MYO1D: variants seen among roughly 807,000 people sequenced by gnomAD.
The protein encoded by MYO1D is myosin ID, also known as unconventional myosin-Id.
MYO1D carries 83 observed loss-of-function variants against 122.0 expected under a neutral mutation model. That is an observed-to-expected ratio of 0.68 (90% CI 0.57 to 0.82). The LOEUF is 0.82. MYO1D is among the 40% of genes least tolerant of loss of function. MYO1D has a pLI of 0.00. For synonymous variants in MYO1D, 464 were observed against 446.9 expected, an observed-to-expected ratio of 1.04 and a Z score of -0.48; for missense variants, 1,157 against 1,269.5, an observed-to-expected ratio of 0.91 and a Z score of 1.35.
intron 16 of MYO1D, among the ~76,000 whole-genome samples, chr17:32,688,920 A>AGT (rs3079901): frequency 0.096 from 14,103 of 146,448 alleles, 1,074 homozygotes; most frequent in African/African-American, 0.22. Flanking sequence ...TGATTTTTGA[A>AGT]GTGTGTGTGT....
intron 1 of MYO1D, among the ~76,000 whole-genome samples, chr17:32,809,476 T>G (rs1257558833): frequency 6.7e-6 from 1 of 150,314 alleles, no homozygotes; most frequent in Non-Finnish European, 1.5e-5. Flanking sequence ...TCTTGCTCTG[T>G]TGCCCAGGCT....
rs766724550 is a variant in MYO1D, at chr17:32,605,129, C to G, written c.2822G>C (p.Arg941Pro). ...LFSKQPTHES[R>P]IGELVGVLVN... is the part of the protein sequence containing the mutation. ...CAGCACTCCAACAAGTTCTCCAATT[C>G]GACTCTCATGGGTTGGCTGTTTGCT... Residue 941 changes from arginine (R) to proline (P), a missense_variant, in exon 21 of 22, where the codon CGA (arginine) becomes CCA (proline). Transcript: ENST00000318217. 2 of 1,604,532 alleles carry G rather than the reference C, an allele frequency of 1.2e-6. No individual in the cohort carries two copies. Among genetic ancestry groups the G allele is most frequent in the East Asian group, 4.5e-5 (2 of 44,604 alleles).
chr17:32,681,052 G>C (rs552627644), intron 16 of MYO1D, among the ~76,000 whole-genome samples: 16 of 152,278 alleles, frequency 1.1e-4, no homozygotes, highest in African/African-American at 3.8e-4. Flanking sequence ...GGTGTTTGTA[G>C]TATTCTCTGA....
At chr17:32,672,681 T>C (rs575225358) in intron 16 of MYO1D, among the ~76,000 whole-genome samples, 2 of 152,268 alleles carry the variant, frequency 1.3e-5, no homozygotes, top group South Asian at 4.1e-4. Flanking sequence ...AAATGGGGTT[T>C]TGCCACGTTG....
At chr17:32,729,890 C>A (rs530744803) in intron 14 of MYO1D, among the ~76,000 whole-genome samples, 1 of 152,136 alleles carries the variant, frequency 6.6e-6, no homozygotes, top group Non-Finnish European at 1.5e-5. Context: ...CCCAGACTGT[C>A]GAACTGATAT....
In MYO1D at chr17:32,864,007, CTTTTTTTTTTTTTTTTTT is replaced by C. The variant is rs560953120; in HGVS notation, c.95+12753_95+12770del. On this transcript the variant is annotated intron_variant, in intron 1 of 21. Transcript: ENST00000318217. ...TAATTTTGGTTACAAACATTTCTTC[CTTTTTTTTTTTTTTTTTT>C]TTTTTTTTTTTTTTTTTTTGGTGTT... Among the ~76,000 whole-genome samples, 474 of 48,976 alleles carry C rather than the reference CTTTTTTTTTTTTTTTTTT, an allele frequency of 9.7e-3. 7 individuals are homozygous for C. Among genetic ancestry groups the C allele is most frequent in the African/African-American group, 0.047 (454 of 9,624 alleles). 32.1% of individuals were successfully genotyped at this position (48,976 alleles called of 152,430 possible).
intron 21 of MYO1D, among the ~76,000 whole-genome samples, chr17:32,537,356 A>G (rs957109445): frequency 1.3e-5 from 2 of 152,152 alleles, no homozygotes; most frequent in Non-Finnish European, 2.9e-5. Flanking sequence ...TCATTTCCAT[A>G]TTGTCCGTGG....
At chr17:32,565,847 A>C (rs1242598972) in intron 21 of MYO1D, among the ~76,000 whole-genome samples, 1 of 152,058 alleles carries the variant, frequency 6.6e-6, no homozygotes, top group Non-Finnish European at 1.5e-5. Flanking sequence ...CAGCCTCCCA[A>C]GTAGCTGGGA....
chr17:32,863,492 T>C (rs2091095282), intron 1 of MYO1D, among the ~76,000 whole-genome samples: 1 of 152,180 alleles, frequency 6.6e-6, no homozygotes. Context: ...ATTACCTTTG[T>C]AAATTAAGAG....
intron 21 of MYO1D, among the ~76,000 whole-genome samples, chr17:32,557,920 T>C (rs879684443): frequency 6.6e-6 from 1 of 152,010 alleles, no homozygotes; most frequent in Non-Finnish European, 1.5e-5. Flanking sequence ...TCCACATTTA[T>C]TGAAACTGTG....
intron 16 of MYO1D, among the ~76,000 whole-genome samples, chr17:32,691,738 T>C (rs1309359650): frequency 6.6e-6 from 1 of 152,194 alleles, no homozygotes; most frequent in East Asian, 1.9e-4. Context: ...AAGTTTTACA[T>C]ATATTCTTAA....
At chr17:32,851,956 T>C (rs1188575100) in intron 1 of MYO1D, among the ~76,000 whole-genome samples, 1 of 152,228 alleles carries the variant, frequency 6.6e-6, no homozygotes, top group African/African-American at 2.4e-5. Context: ...CAGCATTTAC[T>C]ACTGCTGTTG....
chr17:32,527,838 CTTTTTT>C (rs35009377), intron 21 of MYO1D, among the ~76,000 whole-genome samples: 1 of 134,838 alleles, frequency 7.4e-6, no homozygotes, highest in Non-Finnish European at 1.6e-5. Flanking sequence ...AGCAAAACAA[CTTTTTT>C]TTTTTTTTTT....
chr17:32,863,466 C>T (rs2091095104), intron 1 of MYO1D, among the ~76,000 whole-genome samples: 1 of 152,156 alleles, frequency 6.6e-6, no homozygotes, highest in Admixed American at 6.5e-5. Flanking sequence ...CGGCTGACAG[C>T]CAAAACCCAG....
Position 32,780,692 on chromosome 17 carries a change from A to G in MYO1D, c.188T>C (p.Ile63Thr). The change falls in exon 2 of 22, where the codon ATT (isoleucine) becomes ACT (threonine). Residue 63 changes from isoleucine to threonine, a missense_variant. Physicochemically the swap from Ile to Thr is moderately conservative, Grantham distance 89. Transcript: ENST00000318217. Reference sequence around the variant, plus strand: ...CAGCTCACGGCCTTTATACTGCTCAATTGTGTCTCTTCCATAGATGTTCAA... The same window carrying G: ...CAGCTCACGGCCTTTATACTGCTCAGTTGTGTCTCTTCCATAGATGTTCAA... Reference protein sequence around the residue: ...KLLNIYGRDTIEQYKGRELYE... With the variant: ...KLLNIYGRDTTEQYKGRELYE... The G allele has an allele frequency of 3.1e-6, 5 of 1,614,094 alleles. No homozygotes were observed. The highest frequency in any genetic ancestry group is 4.2e-6 in the Non-Finnish European group (5 of 1,179,988).
At chr17:32,719,813 G>A (rs1348055080) in intron 15 of MYO1D, among the ~76,000 whole-genome samples, 7 of 152,158 alleles carry the variant, frequency 4.6e-5, no homozygotes, top group African/African-American at 9.7e-5. Flanking sequence ...TACAAAGTTT[G>A]ACATGATTTG....
intron 4 of MYO1D, among the ~76,000 whole-genome samples, chr17:32,775,055 C>T (rs998772829): frequency 6.6e-6 from 1 of 152,136 alleles, no homozygotes; most frequent in Non-Finnish European, 1.5e-5. Context: ...AATCCCAGCA[C>T]TTTGGGAGAC....
rs926707862 is a variant in MYO1D, at chr17:32,835,484, C to T, written c.95+41294G>A. On this transcript the variant is annotated intron_variant, in intron 1 of 21. Coordinates refer to ENST00000318217, the MANE Select transcript of MYO1D (RefSeq NM_015194.3). Reference sequence around the variant, plus strand: ...AGAGGGCCTACAACAGAAATGCACTCAATAAATAACTTGAATAAATGAATG... The same window carrying T: ...AGAGGGCCTACAACAGAAATGCACTTAATAAATAACTTGAATAAATGAATG... 4.6e-5 allele frequency among the ~76,000 whole-genome samples: 7 copies of T among 152,166 alleles called. No homozygotes were observed. The East Asian group carries it at 1.3e-3, about 29-fold the overall frequency.
intron 17 of MYO1D, among the ~76,000 whole-genome samples, chr17:32,657,564 G>A (rs749523214): frequency 9.2e-5 from 14 of 152,348 alleles, no homozygotes; most frequent in South Asian, 4.1e-4. Flanking sequence ...GTGTGTGTGC[G>A]CGTGCGAGTG....
Sources: gnomAD v4.1 joint callset for allele counts (sites outside exome capture counted in the v4.1 genomes callset) on GRCh38, gnomAD v4.1.1 for gene constraint, MANE v1.5 for transcripts, NCBI Gene and HGNC (gene_info 2026-07-23, HGNC 2026-07-21) for gene names.